Variants in RPS6KC1 observed in about 807,000 individuals in gnomAD.
RPS6KC1 encodes ribosomal protein S6 kinase C1.
In RPS6KC1, 54 loss-of-function variants were observed where a neutral mutation model predicts 103.8. The observed-to-expected ratio is 0.52, with a 90% confidence interval of 0.42 to 0.65. The LOEUF (loss-of-function observed/expected upper bound fraction) is 0.65. RPS6KC1 is among the 30% of genes least tolerant of loss of function. The pLI is 0.00. For synonymous variants in RPS6KC1, 439 were observed against 438.7 expected (o/e 1.00, Z -0.01); for missense variants, 1,151 against 1,253.8 (o/e 0.92, Z 1.24).
chr1:213,296,431 C>G, the RPS6KC1 span, among the ~76,000 whole-genome samples: 1 of 152,196 alleles, frequency 6.6e-6, no homozygotes, highest in Non-Finnish European at 1.5e-5. Flanking sequence ...TTACTGTGCA[C>G]TCCCTGGGAC....
the RPS6KC1 span, among the ~76,000 whole-genome samples, chr1:213,351,611 CGTG>C: frequency 6.6e-6 from 1 of 152,120 alleles, no homozygotes; most frequent in African/African-American, 2.4e-5. Flanking sequence ...AGTCATGACA[CGTG>C]GTCATGAATG....
the RPS6KC1 span, chr1:213,492,366 A>G: frequency 6.6e-6 from 1 of 152,246 alleles, no homozygotes; most frequent in South Asian, 2.1e-4. Context: ...TCAAACGGAC[A>G]CATGAGAAGC....
chr1:213,543,879 A>G, the RPS6KC1 span, among the ~76,000 whole-genome samples: 27 of 152,192 alleles, frequency 1.8e-4, no homozygotes, highest in African/African-American at 6.5e-4. Flanking sequence ...AACTCCAAGG[A>G]CACACTTTAC....
At chr1:213,329,401 A>G in the RPS6KC1 span, among the ~76,000 whole-genome samples, 3 of 151,958 alleles carry the variant, frequency 2.0e-5, no homozygotes, top group Non-Finnish European at 4.4e-5. Context: ...CAGGCCCCAG[A>G]CCATCTAATC....
chr1:213,833,712 C>CGCTA, the RPS6KC1 span, among the ~76,000 whole-genome samples: 1 of 152,164 alleles, frequency 6.6e-6, no homozygotes, highest in Non-Finnish European at 1.5e-5. Context: ...CACACCCTGG[C>CGCTA]GCTACTCTGC....
At chr1:213,391,007 T>G in the RPS6KC1 span, among the ~76,000 whole-genome samples, 13 of 146,012 alleles carry the variant, frequency 8.9e-5, 1 homozygote, top group African/African-American at 3.6e-4. Flanking sequence ...ATGATTCTAG[T>G]TTTTTTTCCC....
intron 14 of RPS6KC1, among the ~76,000 whole-genome samples, chr1:213,272,236 G>A (rs1208125510): frequency 6.6e-6 from 1 of 152,088 alleles, no homozygotes; most frequent in East Asian, 1.9e-4. Flanking sequence ...AAATTGATAG[G>A]TATAACTATC....
chr1:213,330,569 GC>G, the RPS6KC1 span, among the ~76,000 whole-genome samples: 1 of 152,158 alleles, frequency 6.6e-6, no homozygotes, highest in Non-Finnish European at 1.5e-5. Flanking sequence ...GTTGAGCAAT[GC>G]CCCCACCCCT....
chr1:213,151,191 C>T (rs1358751804), intron 6 of RPS6KC1, among the ~76,000 whole-genome samples: 8 of 136,880 alleles, frequency 5.8e-5, no homozygotes, highest in East Asian at 2.3e-4. Context: ...ACCTCCCTCC[C>T]GGATGGGGCG....
At chr1:213,301,923 A>T in the RPS6KC1 span, among the ~76,000 whole-genome samples, 1 of 151,950 alleles carries the variant, frequency 6.6e-6, no homozygotes, top group African/African-American at 2.4e-5. Context: ...TTTAGTAGAG[A>T]AGGGGTTTCG....
At chr1:213,301,881 G>T in the RPS6KC1 span, among the ~76,000 whole-genome samples, 1 of 151,794 alleles carries the variant, frequency 6.6e-6, no homozygotes, top group South Asian at 2.1e-4. Flanking sequence ...GATTATAGGT[G>T]TGCACCACCA....
At chr1:213,675,893 A>G in the RPS6KC1 span, among the ~76,000 whole-genome samples, 1 of 152,130 alleles carries the variant, frequency 6.6e-6, no homozygotes, top group African/African-American at 2.4e-5. Context: ...TTTTTTTTAA[A>G]AAAGTATACA....
the RPS6KC1 span, among the ~76,000 whole-genome samples, chr1:213,347,782 G>C: frequency 6.6e-6 from 1 of 152,124 alleles, no homozygotes; most frequent in East Asian, 1.9e-4. Flanking sequence ...GAAGAAAAAT[G>C]AAAGAGTAAA....
chr1:213,661,428 T>G, the RPS6KC1 span, among the ~76,000 whole-genome samples: 1 of 152,072 alleles, frequency 6.6e-6, no homozygotes, highest in Non-Finnish European at 1.5e-5. Context: ...CTTTTCAGAG[T>G]GTGAGCAGAC....
the RPS6KC1 span, among the ~76,000 whole-genome samples, chr1:213,427,726 C>G: frequency 6.6e-6 from 1 of 152,188 alleles, no homozygotes; most frequent in Non-Finnish European, 1.5e-5. Flanking sequence ...GTCAAGAAGT[C>G]TTTCTTGTGC....
the RPS6KC1 span, among the ~76,000 whole-genome samples, chr1:213,573,848 A>G: frequency 6.6e-6 from 1 of 152,330 alleles, no homozygotes; most frequent in East Asian, 1.9e-4. Context: ...CACAAACTCT[A>G]GCTTGCAATA....
chr1:213,736,527 C>T, the RPS6KC1 span, among the ~76,000 whole-genome samples: 124 of 152,250 alleles, frequency 8.1e-4, no homozygotes, highest in African/African-American at 2.8e-3. Context: ...CTTCATAACC[C>T]ACCCTAATCA....
At chr1:213,852,477 A>G in the RPS6KC1 span, among the ~76,000 whole-genome samples, 4 of 152,138 alleles carry the variant, frequency 2.6e-5, no homozygotes, top group African/African-American at 9.7e-5. Context: ...AATGATCTCA[A>G]AAATAACCTA....
At chr1:213,760,759 A>C in the RPS6KC1 span, among the ~76,000 whole-genome samples, 5 of 151,956 alleles carry the variant, frequency 3.3e-5, no homozygotes, top group African/African-American at 1.2e-4. Flanking sequence ...TTGTAGATCT[A>C]GCCTTCTGAT....
Sources: allele counts gnomAD v4.1 joint callset (sites outside exome capture counted in the v4.1 genomes callset), GRCh38; gene constraint gnomAD v4.1.1; transcripts MANE v1.5; gene names NCBI Gene and HGNC (gene_info 2026-07-23, HGNC 2026-07-21).